Variants in FGF13 observed in about 807,000 individuals in gnomAD.
FGF13 encodes the protein fibroblast growth factor 13, also known as fibroblast growth factor homologous factor 2.
In FGF13, 2 loss-of-function variants were observed where a neutral mutation model predicts 19.5. The ratio of observed to expected loss-of-function variants is 0.10; its 90% CI spans 0.04 to 0.32. The LOEUF (loss-of-function observed/expected upper bound fraction) is 0.32. Among genes scored for constraint, FGF13 ranks in the 10% least tolerant of loss-of-function variants. The pLI, the probability that FGF13 is intolerant of heterozygous loss-of-function variation, is 1.00. For missense variants in FGF13, 113 were observed against 192.7 expected, an observed-to-expected ratio of 0.59 and a Z score of 2.45; for synonymous variants, 72 against 76.9, an observed-to-expected ratio of 0.94 and a Z score of 0.33.
intron 1 of FGF13, among the ~76,000 whole-genome samples, chrX:139,056,820 T>G (rs1386705063): frequency 2.7e-5 from 3 of 112,428 alleles, no homozygotes; most frequent in African/African-American, 9.7e-5. Flanking sequence ...TGATGGAGCA[T>G]GCGAGCCTTC....
downstream of FGF13, among the ~76,000 whole-genome samples, chrX:138,855,141 C>T (rs1287128697): frequency 8.9e-6 from 1 of 111,852 alleles, no homozygotes; most frequent in Admixed American, 9.5e-5. Context: ...GCCAGAATGA[C>T]CAGTGAACCC....
At chrX:138,659,171 A>AT (rs1343860000) in intron 3 of FGF13, among the ~76,000 whole-genome samples, 2 of 112,091 alleles carry the variant, frequency 1.8e-5, no homozygotes, top group Non-Finnish European at 3.8e-5. Context: ...CTAGAAAGAT[A>AT]TTTTTTAATT....
At chrX:139,059,276 G>A (rs1265029661) in intron 1 of FGF13, among the ~76,000 whole-genome samples, 1 of 110,710 alleles carries the variant, frequency 9.0e-6, no homozygotes, top group Non-Finnish European at 1.9e-5. Flanking sequence ...TTGTAAACTC[G>A]TCCTTTTAAT....
Position 139,129,180 on chromosome X carries a change from C to CACACACAT in FGF13, c.-113+74235_-113+74236insATGTGTGT, listed in dbSNP as rs1556370086. Among the ~76,000 whole-genome samples, 25 of 104,725 alleles carry CACACACAT rather than the reference C, an allele frequency of 2.4e-4. 1 individual carries two copies. The highest frequency in any genetic ancestry group is 8.4e-4 in the African/African-American group (24 of 28,690). The allele number at this position is 104,725 out of a possible 115,157, so 90.9% of individuals were successfully genotyped here. A position where few individuals can be genotyped will look rare whatever the true frequency, so the allele number is the denominator to read the frequency against. The stretch of plus-strand genomic sequence containing the variant: ...ACACACACACACACACACACACACA[C>CACACACAT]ATGTGTGTGTGTGTAATTTATGTAA... On this transcript the variant is annotated intron_variant, in intron 1 of 2. Coordinates refer to the FGF13 transcript ENST00000421460.
At chrX:138,759,584 C>T (rs969604561) in intron 3 of FGF13, among the ~76,000 whole-genome samples, 10 of 112,013 alleles carry the variant, frequency 8.9e-5, no homozygotes, top group African/African-American at 2.9e-4. Context: ...TTAACCTTCT[C>T]AGTGCAGTCC....
chrX:138,992,494 T>G (rs2092021073), intron 1 of FGF13, among the ~76,000 whole-genome samples: 1 of 111,288 alleles, frequency 9.0e-6, no homozygotes, highest in East Asian at 2.8e-4. Context: ...TACACTTATT[T>G]AGCTGTTCCT....
At chrX:138,913,638 GAGGA>G (rs747877973) in intron 1 of FGF13, among the ~76,000 whole-genome samples, 6,967 of 61,632 alleles carry the variant, frequency 0.11, 480 homozygotes, top group East Asian at 0.15. Flanking sequence ...AGGAGGGATG[GAGGA>G]AGGAAGGAAG....
intron 1 of FGF13, 60 bp from the exon 2 acceptor site, chrX:138,708,988 C>G (rs1428150703): frequency 5.1e-6 from 3 of 593,593 alleles, no homozygotes; most frequent in Admixed American, 6.8e-5. Flanking sequence ...GTTGAAAAGA[C>G]TAGGAATTTC....
chrX:138,621,286 A>C lies in FGF13; in HGVS notation c.*11564T>G, dbSNP rs1353165862. 1.8e-5 allele frequency: 2 copies of C among 111,843 alleles called. No homozygotes were observed. The highest frequency in any genetic ancestry group is 9.5e-5 in the Admixed American group (1 of 10,501). 9.2% of individuals were successfully genotyped at this position (111,843 alleles called of 1,213,427 possible). The stretch of plus-strand genomic sequence containing the variant: ...GAAATCATACCAAATATCTTTTCTG[A>C]CCACAATGCTAAGAAACTGGAAATC... On this transcript the variant is annotated 3_prime_UTR_variant, in exon 5 of 5. Transcript: ENST00000315930.
rs748999976 is a variant in FGF13, at chrX:138,992,538, T to C, written c.-112-127888A>G. On this transcript the variant is annotated intron_variant, in intron 1 of 2. Transcript: ENST00000421460. ...TCATTATTTTATATAGCATGAGATA[T>C]AGGGATAATTAAATGATGATAATAA... 4.5e-5 allele frequency among the ~76,000 whole-genome samples: 5 copies of C among 110,604 alleles called. No homozygotes were observed. The Admixed American group carries it at 4.9e-4, about 11-fold the overall frequency.
chrX:138,989,433 G>T (rs778611662), intron 1 of FGF13, among the ~76,000 whole-genome samples: 1 of 111,815 alleles, frequency 8.9e-6, no homozygotes, highest in African/African-American at 3.2e-5. Flanking sequence ...GCGCCTGGTA[G>T]ATACTCAATA....
chrX:138,797,745 T>G (rs1404946253), intron 3 of FGF13, among the ~76,000 whole-genome samples: 1 of 111,382 alleles, frequency 9.0e-6, no homozygotes, highest in Non-Finnish European at 1.9e-5. Flanking sequence ...CCTTGAGCAG[T>G]GGTTTGTTAT....
rs1481763485 is a variant in FGF13, at chrX:138,711,332, C to A, written c.-329G>T. ...ACTGCGTGTGGTCGGCCCCTGCGCC[C>A]GGCGGACACCGTGCATGTCCAGCTG... is the stretch of plus-strand genomic sequence containing the variant. On this transcript the variant is annotated 5_prime_UTR_variant, in exon 1 of 5. Coordinates refer to ENST00000315930, the MANE Select transcript of FGF13 (RefSeq NM_004114.5). The A allele has an allele frequency of 1.2e-6, 1 of 836,796 alleles. No homozygotes were observed. The highest frequency in any genetic ancestry group is 1.5e-6 in the Non-Finnish European group (1 of 682,313). 69.0% of individuals were successfully genotyped at this position (836,796 alleles called of 1,213,427 possible).
At chrX:138,928,831 G>A (rs1020296287) in intron 1 of FGF13, among the ~76,000 whole-genome samples, 3 of 111,134 alleles carry the variant, frequency 2.7e-5, no homozygotes, top group Admixed American at 9.6e-5. Flanking sequence ...TTAAAATGAC[G>A]TCCTAAAATA....
chrX:138,984,524 G>GAAGAAGAAGAAC (rs2091979825), intron 1 of FGF13, among the ~76,000 whole-genome samples: 1 of 13,648 alleles, frequency 7.3e-5, no homozygotes, highest in African/African-American at 2.7e-4. Context: ...AGAAGAAGAG[G>GAAGAAGAAGAAC]AAGAAGAAGA....
At chrX:139,175,921 T>G (rs767675509) in intron 1 of FGF13, among the ~76,000 whole-genome samples, 14 of 111,984 alleles carry the variant, frequency 1.3e-4, no homozygotes, top group South Asian at 3.7e-4. Flanking sequence ...CTCATAAAAT[T>G]AGTTAGGGAG....
intron 1 of FGF13, among the ~76,000 whole-genome samples, chrX:138,730,027 A>T (rs772864570): frequency 1.8e-5 from 2 of 112,369 alleles, no homozygotes; most frequent in East Asian, 5.6e-4. Flanking sequence ...ATAAACACTA[A>T]AAGAAATGAA....
intron 1 of FGF13, among the ~76,000 whole-genome samples, chrX:139,081,211 C>T (rs1447196876): frequency 9.0e-6 from 1 of 111,283 alleles, no homozygotes; most frequent in African/African-American, 3.3e-5. Context: ...GTTGTGATAT[C>T]TAGGAGAAAA....
At chrX:139,009,532 A>G (rs1425387736) in intron 1 of FGF13, among the ~76,000 whole-genome samples, 1 of 111,748 alleles carries the variant, frequency 8.9e-6, no homozygotes, top group Non-Finnish European at 1.9e-5. Context: ...TCAGCCAAAA[A>G]TTTTGTATCC....
Sources: gnomAD v4.1 joint callset for allele counts (sites outside exome capture counted in the v4.1 genomes callset) on GRCh38, gnomAD v4.1.1 for gene constraint, MANE v1.5 for transcripts, NCBI Gene and HGNC (gene_info 2026-07-23, HGNC 2026-07-21) for gene names.